The following HTR1F variants were observed in gnomAD, a reference collection of about 807,000 sequenced individuals.
HTR1F encodes 5-hydroxytryptamine (serotonin) receptor 1F, G protein-coupled.
HTR1F carries 17 observed loss-of-function variants against 24.0 expected under a neutral mutation model. The ratio of observed to expected loss-of-function variants is 0.71; its 90% CI spans 0.48 to 1.06. HTR1F has a LOEUF of 1.06. Ranked by LOEUF, HTR1F falls within the 50% of genes least tolerant of loss-of-function variation. The pLI is 0.00. For synonymous variants in HTR1F, 186 were observed against 156.8 expected (o/e 1.19, Z -1.39); for missense variants, 391 against 427.8 (o/e 0.91, Z 0.76).
intron 2 of HTR1F, among the ~76,000 whole-genome samples, chr3:87,927,694 C>A (rs1704160706): frequency 6.6e-6 from 1 of 152,144 alleles, no homozygotes; most frequent in South Asian, 2.1e-4. Flanking sequence ...AAATACCAAT[C>A]AAATATCTCA....
At chr3:87,927,030 G>GAA (rs61263722) in intron 2 of HTR1F, among the ~76,000 whole-genome samples, 35 of 151,794 alleles carry the variant, frequency 2.3e-4, no homozygotes, top group South Asian at 2.1e-4. Flanking sequence ...GATGAAAAGA[G>GAA]AAAAAAATGA....
intron 2 of HTR1F, among the ~76,000 whole-genome samples, chr3:87,988,063 G>T (rs1243270971): frequency 1.3e-5 from 2 of 151,610 alleles, no homozygotes; most frequent in Non-Finnish European, 2.9e-5. Flanking sequence ...TAACTCCCTG[G>T]ACCAACAGCA....
chr3:87,840,516 C>T (rs2107175795), intron 2 of HTR1F, among the ~76,000 whole-genome samples: 1 of 152,180 alleles, frequency 6.6e-6, no homozygotes, highest in Non-Finnish European at 1.5e-5. Flanking sequence ...TAAATTAGCA[C>T]AGCCATTCTG....
At chr3:87,872,832 A>G (rs1705587449) in intron 2 of HTR1F, among the ~76,000 whole-genome samples, 1 of 152,080 alleles carries the variant, frequency 6.6e-6, no homozygotes, top group Non-Finnish European at 1.5e-5. Context: ...CCAACACTAG[A>G]TGGCTTCACA....
At chr3:87,955,697 C>T (rs1704928466) in intron 2 of HTR1F, among the ~76,000 whole-genome samples, 1 of 151,364 alleles carries the variant, frequency 6.6e-6, no homozygotes, top group Non-Finnish European at 1.5e-5. Context: ...CATATTTCCA[C>T]CAATGTAGGT....
In HTR1F at chr3:87,873,520, T is replaced by G. The variant is rs79385262; in HGVS notation, c.-43+51396T>G. The stretch of plus-strand genomic sequence containing the variant: ...CCACCTCAATTGATAAGGGCAATCA[T>G]CTCTACTCAGGCTGCTGATTCAGAT... On this transcript the variant is annotated intron_variant, in intron 2 of 2. Transcript: ENST00000319595. Among the ~76,000 whole-genome samples, 1,252 of 152,282 alleles carry G rather than the reference T, an allele frequency of 8.2e-3. 34 individuals are homozygous for G. Among genetic ancestry groups the G allele is most frequent in the East Asian group, 0.067 (345 of 5,180 alleles).
chr3:87,928,572 A>G (rs923474), intron 2 of HTR1F, among the ~76,000 whole-genome samples: 61,674 of 151,976 alleles, frequency 0.41, 12,888 homozygotes, highest in African/African-American at 0.5. Flanking sequence ...TATGTAGCAG[A>G]CCCAAGTCCT....
intron 2 of HTR1F, among the ~76,000 whole-genome samples, chr3:87,984,075 C>G (rs1443626748): frequency 2.0e-5 from 3 of 152,188 alleles, no homozygotes; most frequent in Non-Finnish European, 4.4e-5. Flanking sequence ...TCTCTCACCC[C>G]CAACTCTAGC....
At chr3:87,824,880 G>T (rs1356845067) in intron 2 of HTR1F, among the ~76,000 whole-genome samples, 1 of 152,072 alleles carries the variant, frequency 6.6e-6, no homozygotes, top group African/African-American at 2.4e-5. Context: ...CAAGGCAAAA[G>T]AAAATGTTTT....
chr3:87,885,048 GCAC>G (rs1705904418), intron 2 of HTR1F, among the ~76,000 whole-genome samples: 1 of 152,120 alleles, frequency 6.6e-6, no homozygotes. Context: ...ATTCTCCTCA[GCAC>G]CACATCACAC....
At chr3:87,920,029 T>TTTTATATA (rs1553676368) in intron 2 of HTR1F, among the ~76,000 whole-genome samples, 3 of 142,038 alleles carry the variant, frequency 2.1e-5, no homozygotes, top group African/African-American at 7.9e-5. Flanking sequence ...ATATGTAATA[T>TTTTATATA]TATATATATA....
chr3:87,846,039 A>T (rs564261886), intron 2 of HTR1F, among the ~76,000 whole-genome samples: 57 of 152,082 alleles, frequency 3.7e-4, no homozygotes, highest in African/African-American at 1.4e-3. Context: ...AGGGCTAGGG[A>T]TAAGCAGTAA....
intron 2 of HTR1F, among the ~76,000 whole-genome samples, chr3:87,886,473 G>A (rs1705947005): frequency 6.6e-6 from 1 of 152,156 alleles, no homozygotes; most frequent in Non-Finnish European, 1.5e-5. Flanking sequence ...GCAACATAGT[G>A]TTGGAAGTTC....
At chr3:87,842,994 T>C (rs187426402) in intron 2 of HTR1F, among the ~76,000 whole-genome samples, 1 of 152,014 alleles carries the variant, frequency 6.6e-6, no homozygotes, top group African/African-American at 2.4e-5. Flanking sequence ...GATAAAGGTT[T>C]CCCAGTTCGG....
chr3:87,840,177 C>T (rs772062557), intron 2 of HTR1F, among the ~76,000 whole-genome samples: 1 of 151,964 alleles, frequency 6.6e-6, no homozygotes, highest in Non-Finnish European at 1.5e-5. Context: ...TTGTTCATGT[C>T]CTTTGTTCAC....
At chr3:87,928,154 T>C (rs569696431) in intron 2 of HTR1F, among the ~76,000 whole-genome samples, 1 of 151,606 alleles carries the variant, frequency 6.6e-6, no homozygotes, top group East Asian at 2.0e-4. Flanking sequence ...CAAGTGACTC[T>C]CATGCCTCAA....
At chr3:87,830,658 T>G (rs1201377103) in intron 2 of HTR1F, among the ~76,000 whole-genome samples, 2 of 152,204 alleles carry the variant, frequency 1.3e-5, no homozygotes, top group Non-Finnish European at 1.5e-5. Flanking sequence ...TAAAGTGTAT[T>G]TAGCAACATC....
chr3:87,845,209 C>T (rs1419426547), intron 2 of HTR1F, among the ~76,000 whole-genome samples: 2 of 151,598 alleles, frequency 1.3e-5, no homozygotes, highest in Non-Finnish European at 2.9e-5. Flanking sequence ...TCCTATTCAA[C>T]ATAGTGTTGG....
At chr3:87,949,401 C>T (rs559439432) in intron 2 of HTR1F, among the ~76,000 whole-genome samples, 1 of 152,282 alleles carries the variant, frequency 6.6e-6, no homozygotes, top group South Asian at 2.1e-4. Context: ...GCTTCCTCTA[C>T]TCAGTCCTTA....
Sources: gnomAD v4.1 joint callset for allele counts (sites outside exome capture counted in the v4.1 genomes callset) on GRCh38, gnomAD v4.1.1 for gene constraint, MANE v1.5 for transcripts, NCBI Gene and HGNC (gene_info 2026-07-23, HGNC 2026-07-21) for gene names.